Variants in ZNF704 observed in about 807,000 individuals in gnomAD.
ZNF704 encodes the protein glucocorticoid induced gene 1.
In ZNF704, 10 loss-of-function variants were observed where a neutral mutation model predicts 44.7. The observed-to-expected ratio is 0.22, with a 90% confidence interval of 0.14 to 0.38. The LOEUF (loss-of-function observed/expected upper bound fraction) is 0.38, where lower values mean the gene tolerates loss of function less well. ZNF704 is among the 10% of genes least tolerant of loss of function. ZNF704 has a pLI of 1.00. For synonymous variants in ZNF704, 211 were observed against 207.6 expected, an observed-to-expected ratio of 1.02 and a Z score of -0.14; for missense variants, 390 against 545.5, an observed-to-expected ratio of 0.71 and a Z score of 2.84.
chr8:80,695,731 T>C (rs1818714583), intron 2 of ZNF704, among the ~76,000 whole-genome samples: 1 of 152,252 alleles, frequency 6.6e-6, no homozygotes, highest in South Asian at 2.1e-4. Flanking sequence ...AAAATATACA[T>C]TTATTTTGCA....
chr8:80,676,364 G>T (rs1224036389), intron 4 of ZNF704, among the ~76,000 whole-genome samples: 4 of 152,182 alleles, frequency 2.6e-5, no homozygotes, highest in South Asian at 2.1e-4. Flanking sequence ...GAGAAGCAGG[G>T]GTTAGCTACA....
intron 2 of ZNF704, among the ~76,000 whole-genome samples, chr8:80,761,274 T>A (rs901656291): frequency 6.6e-6 from 1 of 152,182 alleles, no homozygotes; most frequent in African/African-American, 2.4e-5. Context: ...TAAGTTTCTG[T>A]TTTTACAACT....
At chr8:80,877,185 GAAAAAAAAAAAA>G (rs5892744), upstream of ZNF704, among the ~76,000 whole-genome samples, 15 of 59,678 alleles carry the variant, frequency 2.5e-4, no homozygotes, top group East Asian at 1.2e-3. Flanking sequence ...CTCTGAATGG[GAAAAAAAAAAAA>G]AAAAAAAAAA....
chr8:80,864,678 A>G (rs936786380), intron 1 of ZNF704, among the ~76,000 whole-genome samples: 13 of 152,166 alleles, frequency 8.5e-5, no homozygotes, highest in Admixed American at 8.5e-4. Context: ...CATCTACCCA[A>G]AAAAACAAAG....
At chr8:80,764,503 G>A (rs1011230657) in intron 2 of ZNF704, among the ~76,000 whole-genome samples, 4 of 152,102 alleles carry the variant, frequency 2.6e-5, no homozygotes, top group Non-Finnish European at 5.9e-5. Flanking sequence ...CGACACATGG[G>A]GATTACAATT....
At chr8:80,689,018 T>G (rs1818588584) in intron 3 of ZNF704, among the ~76,000 whole-genome samples, 1 of 152,114 alleles carries the variant, frequency 6.6e-6, no homozygotes, top group Admixed American at 6.5e-5. Context: ...AAGATTTGCT[T>G]TACCTTTCAA....
chr8:80,667,093 A>G (rs1373435714), intron 5 of ZNF704, among the ~76,000 whole-genome samples: 1 of 152,172 alleles, frequency 6.6e-6, no homozygotes, highest in Non-Finnish European at 1.5e-5. Context: ...TGGCACCCGC[A>G]GTGAGAACAC....
chr8:80,748,904 A>C (rs1278293652), intron 2 of ZNF704, among the ~76,000 whole-genome samples: 1 of 152,216 alleles, frequency 6.6e-6, no homozygotes, highest in Admixed American at 6.5e-5. Flanking sequence ...CAGAAATTCC[A>C]TTCAAACCCT....
At chr8:80,834,204 T>C (rs1378464497) in intron 1 of ZNF704, among the ~76,000 whole-genome samples, 1 of 151,530 alleles carries the variant, frequency 6.6e-6, no homozygotes, top group Non-Finnish European at 1.5e-5. Flanking sequence ...AAAAAAATAA[T>C]AACAAAAGAG....
chr8:80,667,981 G>T (rs1003651085), intron 5 of ZNF704, among the ~76,000 whole-genome samples: 1 of 152,134 alleles, frequency 6.6e-6, no homozygotes, highest in Non-Finnish European at 1.5e-5. Flanking sequence ...TAAATAAAAA[G>T]AAAGATGATG....
At chr8:80,671,728 A>G (rs965208039) in intron 4 of ZNF704, among the ~76,000 whole-genome samples, 1 of 152,188 alleles carries the variant, frequency 6.6e-6, no homozygotes, top group African/African-American at 2.4e-5. Context: ...GTACACAGCT[A>G]GACCTTGATT....
rs192180276 is a variant in ZNF704, at chr8:80,821,849, C to T, written c.-21-234G>A. ...ACATCACAAACACACAAAAAAATGC[C>T]TCCCAGGTATACAAAAACAAAGATT... On this transcript the variant is annotated intron_variant, in intron 1 of 8. Transcript: ENST00000327835. 1.3e-3 allele frequency among the ~76,000 whole-genome samples: 192 copies of T among 152,164 alleles called. 2 individuals are homozygous for T. The highest frequency in any genetic ancestry group is 1.6e-3 in the Non-Finnish European group (107 of 68,002).
At chr8:80,730,266 A>G (rs1806556133) in intron 2 of ZNF704, among the ~76,000 whole-genome samples, 1 of 152,098 alleles carries the variant, frequency 6.6e-6, no homozygotes, top group African/African-American at 2.4e-5. Flanking sequence ...AGTTCATTTA[A>G]ACAGTTGTGC....
At chr8:80,673,100 G>C (rs750372436) in intron 4 of ZNF704, 5 of 152,178 alleles carry the variant, frequency 3.3e-5, no homozygotes, top group Non-Finnish European at 7.3e-5. Flanking sequence ...CTATGATTTT[G>C]ATGGGTATTA....
chr8:80,638,081 C>G lies in ZNF704; in HGVS notation c.*3285G>C, dbSNP rs1045362051. 2.0e-5 allele frequency: 3 copies of G among 152,430 alleles called. No homozygotes were observed. The highest frequency in any genetic ancestry group is 7.2e-5 in the African/African-American group (3 of 41,428). 9.4% of individuals were successfully genotyped at this position (152,430 alleles called of 1,614,324 possible). A position where few individuals can be genotyped will look rare whatever the true frequency, so the allele number is the denominator to read the frequency against. ...TGTCCACAGCCCTCTTGTACCTCCC[C>G]CCTGACTCCCTTGCTACCTGTGTGT... On this transcript the variant is annotated 3_prime_UTR_variant, in exon 9 of 9. Transcript: ENST00000327835.
chr8:80,670,414 A>T, intron 5 of ZNF704, 89 bp downstream of exon 5: 2 of 930,044 alleles, frequency 2.2e-6, no homozygotes, highest in South Asian at 1.4e-5. Flanking sequence ...CAGAACCTTT[A>T]AGGCACAGTG....
chr8:80,664,099 G>A (rs1818146540), intron 6 of ZNF704, among the ~76,000 whole-genome samples: 1 of 150,800 alleles, frequency 6.6e-6, no homozygotes, highest in African/African-American at 2.4e-5. Flanking sequence ...GCAACATTAG[G>A]GATTTTTTTT....
chr8:80,696,709 C>G (rs906673634), intron 2 of ZNF704, among the ~76,000 whole-genome samples: 2 of 152,210 alleles, frequency 1.3e-5, no homozygotes, highest in African/African-American at 4.8e-5. Context: ...TGAGCCAATG[C>G]GCCCGGCCAG....
chr8:80,870,051 G>A (rs181516910), intron 1 of ZNF704, among the ~76,000 whole-genome samples: 58 of 152,306 alleles, frequency 3.8e-4, no homozygotes, highest in African/African-American at 1.3e-3. Flanking sequence ...TTATTCCCTG[G>A]TCAAGCCTTC....
Sources: allele counts gnomAD v4.1 joint callset (sites outside exome capture counted in the v4.1 genomes callset), GRCh38; gene constraint gnomAD v4.1.1; transcripts MANE v1.5; gene names NCBI Gene and HGNC (gene_info 2026-07-23, HGNC 2026-07-21).